The following VPS35L variants were observed in gnomAD, a reference collection of about 807,000 sequenced individuals.
The protein encoded by VPS35L is VPS35 endosomal protein sorting factor like.
Under a neutral mutation model 133.0 loss-of-function variants are expected in VPS35L, and 83 were observed. That is an observed-to-expected ratio of 0.62 (90% CI 0.52 to 0.75). The LOEUF (loss-of-function observed/expected upper bound fraction) is 0.75, where lower values mean the gene tolerates loss of function less well. VPS35L is among the 30% of genes least tolerant of loss of function. The pLI is 0.00. For synonymous variants in VPS35L, 423 were observed against 449.9 expected (o/e 0.94, Z 0.76); for missense variants, 1,083 against 1,206.8 (o/e 0.90, Z 1.52).
chr16:19,662,754 T>C (rs1974528863), intron 26 of VPS35L, among the ~76,000 whole-genome samples: 1 of 152,218 alleles, frequency 6.6e-6, no homozygotes, highest in African/African-American at 2.4e-5. Context: ...CCTAAAGCTT[T>C]TGTAAAACCT....
intron 3 of VPS35L, 150 bp from the exon 4 acceptor site, chr16:19,572,969 C>A: frequency 1.2e-6 from 1 of 866,294 alleles, no homozygotes; most frequent in Non-Finnish European, 1.6e-6. Flanking sequence ...GGCACCATGC[C>A]TGGCGCTGTA....
intron 26 of VPS35L, among the ~76,000 whole-genome samples, chr16:19,664,629 G>A (rs11644491): frequency 0.35 from 52,735 of 151,432 alleles, 9,427 homozygotes; most frequent in African/African-American, 0.38. Flanking sequence ...AGCAGGGAAC[G>A]GTGGCTCACG....
chr16:19,693,959 G>GAAAAAAAAAAAAAA, intron 29 of VPS35L: 1 of 92,378 alleles, frequency 1.1e-5, no homozygotes, highest in Non-Finnish European at 2.4e-5. Flanking sequence ...CAAAAAAAAA[G>GAAAAAAAAAAAAAA]AAAAAAAAAA....
At chr16:19,623,114 G>A (rs1259484669) in intron 14 of VPS35L, among the ~76,000 whole-genome samples, 1 of 152,184 alleles carries the variant, frequency 6.6e-6, no homozygotes, top group African/African-American at 2.4e-5. Context: ...TTCCCATCCT[G>A]TCTCAGCAGC....
intron 9 of VPS35L, among the ~76,000 whole-genome samples, chr16:19,606,816 C>T (rs1972550850): frequency 6.6e-6 from 1 of 152,182 alleles, no homozygotes; most frequent in South Asian, 2.1e-4. Flanking sequence ...CTTACTCTGT[C>T]TCGCTCTGCC....
At chr16:19,677,429 T>C (rs2151613152) in intron 27 of VPS35L, among the ~76,000 whole-genome samples, 1 of 152,082 alleles carries the variant, frequency 6.6e-6, no homozygotes, top group Middle Eastern at 3.4e-3. Context: ...AGCTCCAGAT[T>C]TGGGGGATGG....
intron 1 of VPS35L, among the ~76,000 whole-genome samples, chr16:19,563,722 C>A (rs543642439): frequency 5.6e-4 from 85 of 152,374 alleles, no homozygotes; most frequent in African/African-American, 1.9e-3. Context: ...CATCTCCTTT[C>A]TGCGTGGCTC....
intron 6 of VPS35L, among the ~76,000 whole-genome samples, chr16:19,580,304 G>T (rs1971670158): frequency 6.7e-6 from 1 of 149,038 alleles, no homozygotes; most frequent in Admixed American, 6.8e-5. Context: ...AGGTGAGAGG[G>T]TTTCACGATG....
chr16:19,674,144 C>G (rs1447497695), intron 27 of VPS35L, among the ~76,000 whole-genome samples: 1 of 150,918 alleles, frequency 6.6e-6, no homozygotes, highest in African/African-American at 2.5e-5. Flanking sequence ...TAACAAGACT[C>G]CCACATCTCA....
intron 26 of VPS35L, among the ~76,000 whole-genome samples, chr16:19,666,250 A>G (rs1477943742): frequency 6.6e-6 from 1 of 152,100 alleles, no homozygotes; most frequent in Non-Finnish European, 1.5e-5. Context: ...AAGAGGGGAC[A>G]ATATTCTTTA....
intron 2 of VPS35L, among the ~76,000 whole-genome samples, chr16:19,568,073 G>A (rs1971243473): frequency 6.6e-6 from 1 of 151,894 alleles, no homozygotes; most frequent in Admixed American, 6.6e-5. Context: ...TTGCTATAGT[G>A]GCTCACAGAA....
rs1224718430 is a variant in VPS35L at position 19,640,981 on chromosome 16, C to G, written c.1784+881C>G. On this transcript the variant is annotated intron_variant, in intron 21 of 30. Transcript: ENST00000417362. Reference sequence around the variant, plus strand: ...CAGGCTGGTCTTCATCTCCTGGGCTCAAGCCATCCATCCACCTCAAAGTGC... The same window carrying G: ...CAGGCTGGTCTTCATCTCCTGGGCTGAAGCCATCCATCCACCTCAAAGTGC... 2.0e-5 allele frequency among the ~76,000 whole-genome samples: 3 copies of G among 152,200 alleles called. No homozygotes were observed. In the East Asian group the frequency reaches 5.8e-4, roughly 29 times the overall value.
At chr16:19,603,830 C>T (rs994260698) in intron 9 of VPS35L, among the ~76,000 whole-genome samples, 1 of 152,220 alleles carries the variant, frequency 6.6e-6, no homozygotes, top group Admixed American at 6.5e-5. Context: ...CTCCTGGGTT[C>T]AAGCGATTCT....
chr16:19,679,468 ATTAT>A (rs139152185), intron 27 of VPS35L, among the ~76,000 whole-genome samples: 76,049 of 122,720 alleles, frequency 0.62, 25,254 homozygotes, highest in Non-Finnish European at 0.73. Flanking sequence ...GTTAAGAACA[ATTAT>A]TTATTTATTT....
intron 1 of VPS35L, among the ~76,000 whole-genome samples, chr16:19,556,865 C>A (rs1970874439): frequency 6.6e-6 from 1 of 151,674 alleles, no homozygotes; most frequent in Non-Finnish European, 1.5e-5. Flanking sequence ...TGGCTCACGC[C>A]TGTAATCCCA....
chr16:19,695,532 G>A (rs780096241), intron 29 of VPS35L, among the ~76,000 whole-genome samples: 7 of 152,034 alleles, frequency 4.6e-5, no homozygotes, highest in Non-Finnish European at 7.4e-5. Context: ...GAAAAACATC[G>A]GTCAGGCATG....
chr16:19,578,388 G>T (rs1034019315), intron 5 of VPS35L: 12 of 416,622 alleles, frequency 2.9e-5, no homozygotes, highest in Non-Finnish European at 5.6e-5. Context: ...AAAAAAAAAT[G>T]CTAGAACAGA....
chr16:19,563,770 T>A (rs1419258707), intron 1 of VPS35L, among the ~76,000 whole-genome samples: 5 of 152,248 alleles, frequency 3.3e-5, no homozygotes, highest in Admixed American at 2.6e-4. Flanking sequence ...GGCGAATACC[T>A]TGAGGGGAAA....
intron 15 of VPS35L, among the ~76,000 whole-genome samples, chr16:19,626,753 G>A (rs1324418652): frequency 6.6e-5 from 10 of 151,948 alleles, no homozygotes; most frequent in Admixed American, 5.9e-4. Flanking sequence ...AGAGTGAGAC[G>A]CTGTCTCAAA....
Sources: gnomAD v4.1 joint callset for allele counts (sites outside exome capture counted in the v4.1 genomes callset) on GRCh38, gnomAD v4.1.1 for gene constraint, MANE v1.5 for transcripts, NCBI Gene and HGNC (gene_info 2026-07-23, HGNC 2026-07-21) for gene names.